The following WIPI1 variants were observed in gnomAD, a reference collection of about 807,000 sequenced individuals.
The protein encoded by WIPI1 is WD repeat domain phosphoinositide-interacting protein 1.
Under a neutral mutation model 55.3 loss-of-function variants are expected in WIPI1, and 45 were observed. The ratio of observed to expected loss-of-function variants is 0.81; its 90% CI spans 0.64 to 1.04. WIPI1 has a LOEUF of 1.04. WIPI1 is among the 50% of genes least tolerant of loss of function. The pLI is 0.00. For synonymous variants in WIPI1, 195 were observed against 217.6 expected (o/e 0.90, Z 0.92); for missense variants, 445 against 559.0 (o/e 0.80, Z 2.06).
chr17:68,435,830 C>G, intron 5 of WIPI1, 118 bp from the exon 6 acceptor site: 4 of 911,286 alleles, frequency 4.4e-6, no homozygotes, highest in Non-Finnish European at 7.0e-6. Flanking sequence ...CTGTCTCTTC[C>G]TCTGTCCCCC....
chr17:68,434,535 G>A (rs2083690423), intron 7 of WIPI1, 21 bp downstream of exon 7: 2 of 1,613,172 alleles, frequency 1.2e-6, no homozygotes, highest in African/African-American at 1.3e-5. Flanking sequence ...CTTTAAAATG[G>A]GTTTGACATT....
chr17:68,424,703 C>G (rs1312624104), intron 12 of WIPI1, among the ~76,000 whole-genome samples: 1 of 152,164 alleles, frequency 6.6e-6, no homozygotes, highest in Non-Finnish European at 1.5e-5. Context: ...TGGTGAAACC[C>G]CGTCTCTACT....
rs551832998 is a variant in WIPI1, at chr17:68,433,334, C to T, written c.800+134G>A. On this transcript the variant is annotated intron_variant, in intron 8 of 12. Coordinates refer to ENST00000262139, the MANE Select transcript of WIPI1 (RefSeq NM_017983.7). ...TCCAAAGTTTTGCTAACACACACTC[C>T]ATCACTTAGGTGAAGTCCCAAGTGA... 12 of 855,100 alleles carry T rather than the reference C, an allele frequency of 1.4e-5. No individual in the cohort carries two copies. In the African/African-American group the frequency reaches 1.5e-4, roughly 11 times the overall value. The allele number at this position is 855,100 out of a possible 1,614,324, so 53.0% of individuals were successfully genotyped here.
intron 2 of WIPI1, 76 bp from the exon 3 acceptor site, chr17:68,450,973 C>T: frequency 6.5e-6 from 10 of 1,528,606 alleles, no homozygotes; most frequent in Non-Finnish European, 8.8e-6. Context: ...TGACACTGGG[C>T]CCGGCGCAGG....
At chr17:68,450,430 G>A (rs1180469012) in intron 3 of WIPI1, among the ~76,000 whole-genome samples, 2 of 152,182 alleles carry the variant, frequency 1.3e-5, no homozygotes. Context: ...GACTGTCCAA[G>A]CCAGAGCTCT....
intron 5 of WIPI1, 142 bp downstream of exon 5, chr17:68,436,240 T>C (rs2083779418): frequency 8.2e-6 from 6 of 727,984 alleles, no homozygotes; most frequent in Middle Eastern, 4.0e-4. Context: ...GGAAATAGTA[T>C]CACCTTCTCT....
chr17:68,421,736 T>C lies in WIPI1; in HGVS notation c.*37A>G, dbSNP rs1463185345. The C allele has an allele frequency of 6.8e-6, 11 of 1,613,856 alleles. No individual in the cohort carries two copies. In the Admixed American group the frequency reaches 8.3e-5, roughly 12 times the overall value. ...CCTTGTTTTCTCCAAAACCACCTGA[T>C]AGGGGGGATGTCCTGATTTCTGAGG... On this transcript the variant is annotated 3_prime_UTR_variant, in exon 13 of 13. Coordinates refer to ENST00000262139, the MANE Select transcript of WIPI1 (RefSeq NM_017983.7).
At chr17:68,424,726 T>A (rs2083041807) in intron 12 of WIPI1, among the ~76,000 whole-genome samples, 1 of 151,822 alleles carries the variant, frequency 6.6e-6, no homozygotes, top group Admixed American at 6.6e-5. Flanking sequence ...AAATACAAAA[T>A]ATTAGTTGGG....
At chr17:68,424,400 T>C in intron 12 of WIPI1, 1 of 532,078 alleles carries the variant, frequency 1.9e-6, no homozygotes, top group Non-Finnish European at 3.9e-6. Flanking sequence ...ACTAGAGGGT[T>C]CCACGGATCT....
intron 11 of WIPI1, among the ~76,000 whole-genome samples, chr17:68,426,733 C>T (rs1399285753): frequency 6.6e-6 from 1 of 152,102 alleles, no homozygotes; most frequent in Non-Finnish European, 1.5e-5. Flanking sequence ...TGGGGTTTCA[C>T]CATGTTGGCT....
intron 3 of WIPI1, among the ~76,000 whole-genome samples, chr17:68,447,563 A>G (rs1380075847): frequency 1.3e-5 from 2 of 151,804 alleles, no homozygotes; most frequent in African/African-American, 4.8e-5. Context: ...TTTTTATAGT[A>G]AAGACCTAGT....
chr17:68,427,698 C>G (rs534150195), intron 10 of WIPI1: 1 of 158,332 alleles, frequency 6.3e-6, no homozygotes, highest in Non-Finnish European at 1.4e-5. Context: ...AGTCACACAC[C>G]GTCAAAATGG....
At chr17:68,454,802 A>G (rs2084605076) in intron 1 of WIPI1, among the ~76,000 whole-genome samples, 1 of 152,238 alleles carries the variant, frequency 6.6e-6, no homozygotes, top group Admixed American at 6.5e-5. Context: ...TTATAACATT[A>G]ATGCAAAGTG....
At chr17:68,433,152 C>T (rs2083602104) in intron 8 of WIPI1, among the ~76,000 whole-genome samples, 1 of 152,256 alleles carries the variant, frequency 6.6e-6, no homozygotes, top group African/African-American at 2.4e-5. Context: ...GATCTGCAGA[C>T]TCATTTAATA....
chr17:68,439,665 G>A (rs2083992305), intron 4 of WIPI1, among the ~76,000 whole-genome samples: 1 of 152,182 alleles, frequency 6.6e-6, no homozygotes, highest in South Asian at 2.1e-4. Flanking sequence ...TTTATTTTAA[G>A]GCATGTTTCA....
chr17:68,421,906 A>AGAGT, intron 12 of WIPI1, 86 bp from the exon 13 acceptor site: 1 of 1,561,312 alleles, frequency 6.4e-7, no homozygotes, highest in Non-Finnish European at 8.8e-7. Flanking sequence ...GTGCCCATGC[A>AGAGT]GAGTGAGCAG....
intron 2 of WIPI1, among the ~76,000 whole-genome samples, chr17:68,452,709 T>C (rs981813318): frequency 6.6e-6 from 1 of 152,258 alleles, no homozygotes; most frequent in Admixed American, 6.5e-5. Context: ...AAATGTTACT[T>C]AAACTGTTGC....
chr17:68,427,067 G>T, intron 11 of WIPI1, 68 bp downstream of exon 11: 1 of 1,298,674 alleles, frequency 7.7e-7, no homozygotes. Context: ...AGGGGAGGGA[G>T]CGTGCAGGGA....
chr17:68,432,174 C>T (rs558754646), intron 8 of WIPI1, among the ~76,000 whole-genome samples: 4 of 152,046 alleles, frequency 2.6e-5, no homozygotes, highest in African/African-American at 4.8e-5. Context: ...GATGAAGGAG[C>T]GAGAAGGGAG....
Sources: allele counts gnomAD v4.1 joint callset (sites outside exome capture counted in the v4.1 genomes callset), GRCh38; gene constraint gnomAD v4.1.1; transcripts MANE v1.5; gene names NCBI Gene and HGNC (gene_info 2026-07-23, HGNC 2026-07-21).